Variants in SEMA3A observed in about 807,000 individuals in gnomAD.
SEMA3A encodes semaphorin 3A.
SEMA3A carries 29 observed loss-of-function variants against 97.9 expected under a neutral mutation model. The observed-to-expected ratio is 0.30, with a 90% CI of 0.22 to 0.40. The LOEUF (loss-of-function observed/expected upper bound fraction) is 0.40, where lower values mean the gene tolerates loss of function less well. SEMA3A is among the 10% of genes least tolerant of loss of function. SEMA3A has a pLI of 1.00. For missense variants in SEMA3A, 763 were observed against 951.3 expected, an observed-to-expected ratio of 0.80 and a Z score of 2.60; for synonymous variants, 321 against 323.7, an observed-to-expected ratio of 0.99 and a Z score of 0.09.
At chr7:84,051,638 C>T (rs983947232) in intron 5 of SEMA3A, among the ~76,000 whole-genome samples, 5 of 152,108 alleles carry the variant, frequency 3.3e-5, no homozygotes, top group Non-Finnish European at 5.9e-5. Flanking sequence ...TCTAGATATA[C>T]GATCATGTCG....
At chr7:84,400,342 C>T (rs113209035) in intron 1 of SEMA3A, among the ~76,000 whole-genome samples, 7 of 152,210 alleles carry the variant, frequency 4.6e-5, no homozygotes, top group African/African-American at 1.7e-4. Flanking sequence ...ATCCCTTACC[C>T]AGAGAATATA....
chr7:84,009,423 T>G (rs1456375785), intron 9 of SEMA3A, among the ~76,000 whole-genome samples: 1 of 152,162 alleles, frequency 6.6e-6, no homozygotes, highest in Non-Finnish European at 1.5e-5. Context: ...TTTAAAAAAT[T>G]ATTGAGTAAA....
chr7:84,248,633 C>T (rs921347088), intron 3 of SEMA3A, among the ~76,000 whole-genome samples: 2 of 151,948 alleles, frequency 1.3e-5, no homozygotes, highest in African/African-American at 4.8e-5. Context: ...TTTTCAGACA[C>T]GTTTCAATAA....
At chr7:84,134,767 A>G (rs1240395130) in intron 2 of SEMA3A, 27 bp downstream of exon 2, 2 of 1,515,548 alleles carry the variant, frequency 1.3e-6, no homozygotes, top group South Asian at 2.4e-5. Flanking sequence ...CAAAATAACT[A>G]TAGTGCATAT....
chr7:84,489,407 C>A (rs910858577), intron 1 of SEMA3A, among the ~76,000 whole-genome samples: 7 of 152,094 alleles, frequency 4.6e-5, no homozygotes, highest in Admixed American at 6.6e-5. Flanking sequence ...TTAACCACTC[C>A]GTTTTCACAT....
At chr7:84,092,016 C>T (rs1244244415) in intron 4 of SEMA3A, among the ~76,000 whole-genome samples, 1 of 152,108 alleles carries the variant, frequency 6.6e-6, no homozygotes, top group East Asian at 1.9e-4. Context: ...CCTAAGAATA[C>T]TCTATCAGTA....
intron 1 of SEMA3A, among the ~76,000 whole-genome samples, chr7:84,372,482 C>A (rs971166322): frequency 3.3e-5 from 5 of 152,064 alleles, no homozygotes; most frequent in African/African-American, 9.7e-5. Context: ...TGTGACAGAG[C>A]AACCTCAGAT....
chr7:84,344,052 A>T (rs2115998049), intron 2 of SEMA3A, among the ~76,000 whole-genome samples: 1 of 152,172 alleles, frequency 6.6e-6, no homozygotes, highest in Admixed American at 6.5e-5. Context: ...TATAGACATT[A>T]TTTAAAGAAA....
chr7:84,224,794 ATAGACAG>A, intron 3 of SEMA3A, among the ~76,000 whole-genome samples: 1 of 152,126 alleles, frequency 6.6e-6, no homozygotes, highest in African/African-American at 2.4e-5. Flanking sequence ...CGGTTCTTTT[ATAGACAG>A]ACCTTTTTCC....
intron 5 of SEMA3A, among the ~76,000 whole-genome samples, chr7:84,056,646 CAG>C (rs1482828140): frequency 6.6e-6 from 1 of 151,898 alleles, no homozygotes; most frequent in African/African-American, 2.4e-5. Flanking sequence ...CACATACACA[CAG>C]AGCACGGATG....
intron 1 of SEMA3A, among the ~76,000 whole-genome samples, chr7:84,476,358 C>CAA (rs1207575758): frequency 3.1e-5 from 3 of 97,568 alleles, no homozygotes; most frequent in African/African-American, 7.7e-5. Flanking sequence ...GACTCCATCT[C>CAA]AAAAAAAAAA....
At position 84,001,963 on chromosome 7, in the gene SEMA3A, CTG is replaced by C. The variant is rs1284972837; in HGVS notation, c.1442_1443del (p.Thr481SerfsTer16). ...DLEEVLLEEM[T>X]VFREPTAISA... ...AATTAAGCAGCACTCACCCGAAAAA[CTG>C]TCATTTCTTCCAGCAGAACCTCTTC... On this transcript the variant is annotated frameshift_variant, in exon 12 of 17. Transcript: ENST00000265362. LOFTEE classifies it high-confidence loss of function. The C allele has an allele frequency of 1.2e-6, 2 of 1,610,468 alleles. No individual in the cohort carries two copies. Among genetic ancestry groups the C allele is most frequent in the Non-Finnish European group, 8.5e-7 (1 of 1,177,432 alleles).
chr7:84,100,029 C>T (rs1220597247), intron 4 of SEMA3A, among the ~76,000 whole-genome samples: 2 of 152,128 alleles, frequency 1.3e-5, no homozygotes, highest in Non-Finnish European at 2.9e-5. Flanking sequence ...AAACTCTATG[C>T]ACACTGGGCT....
intron 2 of SEMA3A, among the ~76,000 whole-genome samples, chr7:84,130,359 C>A (rs1285923330): frequency 2.0e-5 from 3 of 152,048 alleles, no homozygotes; most frequent in Non-Finnish European, 4.4e-5. Context: ...GGATTTGGCA[C>A]ATATTGAAGT....
At chr7:84,434,508 T>C (rs1805072457) in intron 1 of SEMA3A, among the ~76,000 whole-genome samples, 1 of 152,106 alleles carries the variant, frequency 6.6e-6, no homozygotes, top group African/African-American at 2.4e-5. Flanking sequence ...CCTAACTTAT[T>C]CTAGTAAGCC....
intron 6 of SEMA3A, among the ~76,000 whole-genome samples, chr7:84,039,920 A>G (rs932176765): frequency 6.6e-6 from 1 of 152,086 alleles, no homozygotes; most frequent in Non-Finnish European, 1.5e-5. Flanking sequence ...ATATATTCTC[A>G]TAAGTCAACA....
Position 84,157,018 on chromosome 7 carries a change from A to G in SEMA3A, c.113-22067T>C, listed in dbSNP as rs115249500. On this transcript the variant is annotated intron_variant, in intron 1 of 16. Coordinates refer to ENST00000265362, the MANE Select transcript of SEMA3A (RefSeq NM_006080.3). ...TGTTTTGTCTTTAAATTCCTGAAAAATTGGCAATCAGCAATGTAATTTTCA... is the reference window on the plus strand; with the variant it reads ...TGTTTTGTCTTTAAATTCCTGAAAAGTTGGCAATCAGCAATGTAATTTTCA... Among the ~76,000 whole-genome samples the G allele has an allele frequency of 9.5e-3, 1,452 of 152,288 alleles. 31 individuals are homozygous for G. Among genetic ancestry groups the G allele is most frequent in the African/African-American group, 0.033 (1,366 of 41,538 alleles).
intron 1 of SEMA3A, among the ~76,000 whole-genome samples, chr7:84,435,392 G>A (rs1167502411): frequency 1.3e-5 from 2 of 152,080 alleles, no homozygotes; most frequent in Non-Finnish European, 2.9e-5. Flanking sequence ...GGCGGATCAC[G>A]AGGTCAGGAG....
chr7:84,086,869 A>T (rs868445662), intron 4 of SEMA3A, among the ~76,000 whole-genome samples: 2 of 151,600 alleles, frequency 1.3e-5, no homozygotes, highest in Middle Eastern at 3.4e-3. Context: ...CACATACTCC[A>T]CTAAACTTTA....
Sources: gnomAD v4.1 joint callset for allele counts (sites outside exome capture counted in the v4.1 genomes callset) on GRCh38, gnomAD v4.1.1 for gene constraint, MANE v1.5 for transcripts, NCBI Gene and HGNC (gene_info 2026-07-23, HGNC 2026-07-21) for gene names.